The following MAGI2 variants were observed in gnomAD, a reference collection of about 807,000 sequenced individuals.
The protein encoded by MAGI2 is membrane associated guanylate kinase, WW and PDZ domain containing 2.
In MAGI2, 35 loss-of-function variants were observed where a neutral mutation model predicts 133.3. The ratio of observed to expected loss-of-function variants is 0.26; its 90% CI spans 0.20 to 0.35. MAGI2 has a LOEUF of 0.35. Ranked by LOEUF, MAGI2 falls within the 10% of genes least tolerant of loss-of-function variation. The probability of loss-of-function intolerance (pLI) is 1.00; values close to 1 mark genes in which losing one functional copy is unlikely to be tolerated. For missense variants in MAGI2, 1,636 were observed against 1,863.4 expected (o/e 0.88, Z 2.25); for synonymous variants, 729 against 710.6 (o/e 1.03, Z -0.41).
At chr7:78,543,557 C>T (rs1017455568) in intron 3 of MAGI2, among the ~76,000 whole-genome samples, 5 of 152,176 alleles carry the variant, frequency 3.3e-5, no homozygotes, top group African/African-American at 7.2e-5. Flanking sequence ...CAGACTCTCT[C>T]CATAGAAAAG....
intron 2 of MAGI2, among the ~76,000 whole-genome samples, chr7:78,919,350 C>T (rs756986907): frequency 7.9e-5 from 12 of 152,020 alleles, no homozygotes; most frequent in Non-Finnish European, 1.6e-4. Context: ...GCTTGCCTAT[C>T]AGTACCTCAT....
chr7:79,205,176 A>G (rs892634699), intron 1 of MAGI2, among the ~76,000 whole-genome samples: 1 of 152,034 alleles, frequency 6.6e-6, no homozygotes, highest in Non-Finnish European at 1.5e-5. Context: ...CCCAAGACAT[A>G]TTATAACCCA....
chr7:79,158,937 C>A (rs1341201328), intron 1 of MAGI2, among the ~76,000 whole-genome samples: 2 of 151,704 alleles, frequency 1.3e-5, no homozygotes, highest in Non-Finnish European at 2.9e-5. Flanking sequence ...ATATCTTTGT[C>A]TAATTCAAAG....
intron 1 of MAGI2, among the ~76,000 whole-genome samples, chr7:79,367,878 T>TATATATATATATATATA (rs1446885185): frequency 3.7e-4 from 43 of 116,496 alleles, no homozygotes; most frequent in African/African-American, 5.8e-4. Flanking sequence ...TATATATATG[T>TATATATATATATATATA]CATTGACTGG....
chr7:78,361,101 T>TA (rs11437388), intron 7 of MAGI2, among the ~76,000 whole-genome samples: 48,152 of 151,944 alleles, frequency 0.32, 8,096 homozygotes, highest in East Asian at 0.57. Flanking sequence ...GTTAGATTCA[T>TA]AAAAAATGCT....
At chr7:79,070,288 G>T (rs138068713) in intron 1 of MAGI2, among the ~76,000 whole-genome samples, 5,028 of 151,592 alleles carry the variant, frequency 0.033, 185 homozygotes, top group African/African-American at 0.082. Context: ...ATGTTTCTTG[G>T]AGTCTTTGTT....
At chr7:78,479,602 G>A (rs149773120) in intron 6 of MAGI2, among the ~76,000 whole-genome samples, 124 of 151,998 alleles carry the variant, frequency 8.2e-4, no homozygotes, top group Middle Eastern at 3.4e-3. Context: ...CACAGCCTAC[G>A]AAACAGGCCA....
intron 10 of MAGI2, among the ~76,000 whole-genome samples, chr7:78,226,095 G>C (rs1181102186): frequency 6.6e-6 from 1 of 152,098 alleles, no homozygotes; most frequent in Non-Finnish European, 1.5e-5. Flanking sequence ...TGATTCAACT[G>C]ATATAAAATT....
intron 1 of MAGI2, among the ~76,000 whole-genome samples, chr7:79,112,037 T>C (rs1485553787): frequency 6.6e-6 from 1 of 152,124 alleles, no homozygotes; most frequent in Non-Finnish European, 1.5e-5. Context: ...TACTCCATGC[T>C]GTGTCAGAAT....
At chr7:78,174,234 G>C (rs1826379613) in intron 14 of MAGI2, among the ~76,000 whole-genome samples, 1 of 152,144 alleles carries the variant, frequency 6.6e-6, no homozygotes, top group Admixed American at 6.5e-5. Context: ...TTAAATTACA[G>C]TCCTTGCCTT....
At chr7:78,248,987 T>C (rs1009997067) in intron 10 of MAGI2, among the ~76,000 whole-genome samples, 1 of 151,758 alleles carries the variant, frequency 6.6e-6, no homozygotes, top group African/African-American at 2.4e-5. Context: ...AAGAAGTTAA[T>C]ATCCAAAATA....
At chr7:78,776,458 A>G (rs1359347925) in intron 2 of MAGI2, among the ~76,000 whole-genome samples, 1 of 152,266 alleles carries the variant, frequency 6.6e-6, no homozygotes, top group Non-Finnish European at 1.5e-5. Flanking sequence ...GGCAGAAAGT[A>G]GAAATTGCAT....
chr7:78,297,554 C>T (rs1797388396), intron 9 of MAGI2, among the ~76,000 whole-genome samples: 1 of 148,994 alleles, frequency 6.7e-6, no homozygotes, highest in African/African-American at 2.5e-5. Context: ...GCATTATTCA[C>T]AATAGCAAAG....
At chr7:78,721,546 G>A (rs947371227) in intron 2 of MAGI2, among the ~76,000 whole-genome samples, 52 of 152,048 alleles carry the variant, frequency 3.4e-4, no homozygotes, top group African/African-American at 1.1e-3. Flanking sequence ...AATTTTGAAA[G>A]GAACATATTG....
chr7:78,550,889 A>ATGTGCATG (rs1563156859), intron 3 of MAGI2, among the ~76,000 whole-genome samples: 43 of 152,064 alleles, frequency 2.8e-4, no homozygotes, highest in Admixed American at 2.3e-3. Context: ...ATTATACAGA[A>ATGTGCATG]CTTCTTCTAA....
intron 1 of MAGI2, among the ~76,000 whole-genome samples, chr7:79,359,597 A>T (rs971609254): frequency 6.6e-6 from 1 of 151,888 alleles, no homozygotes; most frequent in Non-Finnish European, 1.5e-5. Context: ...AGCCAGAGAA[A>T]AATAACACAT....
intron 16 of MAGI2, among the ~76,000 whole-genome samples, chr7:78,157,720 C>A (rs1019170276): frequency 2.0e-5 from 3 of 152,164 alleles, no homozygotes; most frequent in African/African-American, 7.2e-5. Context: ...TCTGTGAACA[C>A]CTTCCTCAAG....
At chr7:78,706,846 G>A (rs1328882964) in intron 2 of MAGI2, among the ~76,000 whole-genome samples, 5 of 152,010 alleles carry the variant, frequency 3.3e-5, no homozygotes, top group African/African-American at 1.2e-4. Context: ...CATTAGAAAT[G>A]GGAAAATAGC....
intron 2 of MAGI2, among the ~76,000 whole-genome samples, chr7:78,985,170 T>C (rs1487142501): frequency 1.3e-5 from 2 of 151,950 alleles, no homozygotes; most frequent in Non-Finnish European, 2.9e-5. Context: ...CCCAGACATA[T>C]ATTCTTTAGA....
Sources: allele counts gnomAD v4.1 joint callset (sites outside exome capture counted in the v4.1 genomes callset), GRCh38; gene constraint gnomAD v4.1.1; transcripts MANE v1.5; gene names NCBI Gene and HGNC (gene_info 2026-07-23, HGNC 2026-07-21).